DENND5A: variants seen among roughly 807,000 people sequenced by gnomAD.
DENND5A encodes the protein DENN domain-containing protein 5A.
A neutral mutation model predicts 140.3 loss-of-function variants in DENND5A; 64 were observed. The observed-to-expected ratio is 0.46, with a 90% confidence interval of 0.37 to 0.56. The LOEUF is 0.56. DENND5A is among the 20% of genes least tolerant of loss of function. The probability of loss-of-function intolerance (pLI) is 0.00; values close to 1 mark genes in which losing one functional copy is unlikely to be tolerated. For synonymous variants in DENND5A, 605 were observed against 607.7 expected, an observed-to-expected ratio of 1.00 and a Z score of 0.07; for missense variants, 1,292 against 1,593.8, an observed-to-expected ratio of 0.81 and a Z score of 3.22.
At chr11:9,256,735 A>G (rs1851961886) in intron 1 of DENND5A, among the ~76,000 whole-genome samples, 1 of 152,202 alleles carries the variant, frequency 6.6e-6, no homozygotes, top group South Asian at 2.1e-4. Flanking sequence ...GTTCAGGGTT[A>G]GAGGGTTGGG....
intron 12 of DENND5A, among the ~76,000 whole-genome samples, chr11:9,154,832 T>A (rs574111670): frequency 1.1e-4 from 17 of 150,634 alleles, no homozygotes; most frequent in South Asian, 6.3e-4. Flanking sequence ...GAAAAAAAAA[T>A]TTTAATTTAA....
intron 5 of DENND5A, among the ~76,000 whole-genome samples, chr11:9,189,668 T>G (rs1172351165): frequency 2.0e-5 from 3 of 151,864 alleles, no homozygotes; most frequent in Non-Finnish European, 4.4e-5. Context: ...GAGATGGAGT[T>G]TCACTATTGT....
intron 16 of DENND5A, 189 bp downstream of exon 16, chr11:9,146,840 GA>G: frequency 1.6e-6 from 1 of 622,918 alleles, no homozygotes; most frequent in Non-Finnish European, 2.8e-6. Flanking sequence ...TTCAGAACAA[GA>G]ATGAGAAACT....
At chr11:9,168,802 TTC>T (rs1231332116) in intron 10 of DENND5A, among the ~76,000 whole-genome samples, 2 of 152,198 alleles carry the variant, frequency 1.3e-5, no homozygotes, top group African/African-American at 2.4e-5. Flanking sequence ...CCTTCTTGGG[TTC>T]TCTCTGTGCA....
At chr11:9,255,380 GTTGT>G (rs150951044) in intron 1 of DENND5A, among the ~76,000 whole-genome samples, 208 of 151,920 alleles carry the variant, frequency 1.4e-3, no homozygotes, top group Non-Finnish European at 1.9e-3. Flanking sequence ...CATTTTTCAG[GTTGT>G]TTAAGACCTG....
At chr11:9,216,255 G>T (rs1850089916) in intron 1 of DENND5A, among the ~76,000 whole-genome samples, 3 of 152,288 alleles carry the variant, frequency 2.0e-5, no homozygotes, top group Non-Finnish European at 2.9e-5. Context: ...TTTCCAGCTT[G>T]GTCATTCCAT....
intron 5 of DENND5A, among the ~76,000 whole-genome samples, chr11:9,192,625 C>T (rs554638740): frequency 7.2e-6 from 1 of 138,016 alleles, no homozygotes; most frequent in Non-Finnish European, 1.6e-5. Flanking sequence ...GAGACTTCGT[C>T]TCAAAAAAAA....
intron 1 of DENND5A, among the ~76,000 whole-genome samples, chr11:9,255,793 A>G (rs1851919078): frequency 6.6e-6 from 1 of 151,596 alleles, no homozygotes; most frequent in East Asian, 1.9e-4. Flanking sequence ...TGAACCCGGG[A>G]GGCAGAGGTT....
intron 11 of DENND5A, among the ~76,000 whole-genome samples, chr11:9,164,748 T>C (rs1180921128): frequency 6.6e-6 from 1 of 152,084 alleles, no homozygotes; most frequent in Non-Finnish European, 1.5e-5. Context: ...TGCTATCAGA[T>C]AAAAATAAAG....
At chr11:9,243,115 A>AAAC (rs1564936263) in intron 1 of DENND5A, among the ~76,000 whole-genome samples, 2 of 149,852 alleles carry the variant, frequency 1.3e-5, no homozygotes, top group East Asian at 1.9e-4. Context: ...CAAAAAAAAA[A>AAAC]ACTGAGGCGA....
intron 12 of DENND5A, among the ~76,000 whole-genome samples, chr11:9,159,700 A>G (rs1847918179): frequency 6.6e-6 from 1 of 152,202 alleles, no homozygotes; most frequent in Non-Finnish European, 1.5e-5. Flanking sequence ...TGGGCTTGCT[A>G]GGTCATATAA....
intron 8 of DENND5A, among the ~76,000 whole-genome samples, chr11:9,173,018 G>A (rs1848425244): frequency 6.6e-6 from 1 of 151,096 alleles, no homozygotes; most frequent in South Asian, 2.1e-4. Flanking sequence ...TAGCAACGGG[G>A]TTTCACCATG....
chr11:9,175,633 G>C (rs2136167570), intron 8 of DENND5A: 1 of 152,266 alleles, frequency 6.6e-6, no homozygotes, highest in East Asian at 1.9e-4. Flanking sequence ...TGGTATAAAT[G>C]TAGACCAACA....
At chr11:9,227,063 G>A (rs1298625152) in intron 1 of DENND5A, among the ~76,000 whole-genome samples, 2 of 152,044 alleles carry the variant, frequency 1.3e-5, no homozygotes, top group Non-Finnish European at 2.9e-5. Flanking sequence ...AGATACTCCA[G>A]AGGCTGAAGC....
intron 1 of DENND5A, among the ~76,000 whole-genome samples, chr11:9,258,422 C>T (rs1852045927): frequency 6.6e-6 from 1 of 152,096 alleles, no homozygotes; most frequent in Non-Finnish European, 1.5e-5. Context: ...TGACGGTTTC[C>T]AGCTTCATCC....
At chr11:9,197,964 C>T (rs1232624386) in intron 4 of DENND5A, among the ~76,000 whole-genome samples, 1 of 152,184 alleles carries the variant, frequency 6.6e-6, no homozygotes, top group Non-Finnish European at 1.5e-5. Flanking sequence ...ACTTAGCCAA[C>T]TCACTTTACC....
intron 11 of DENND5A, among the ~76,000 whole-genome samples, chr11:9,165,039 G>A (rs1381596059): frequency 3.3e-5 from 5 of 151,998 alleles, no homozygotes; most frequent in South Asian, 2.1e-4. Flanking sequence ...TTGCCCTGTC[G>A]CCCAGGCTGG....
chr11:9,261,856 A>G (rs1852216365), intron 1 of DENND5A, among the ~76,000 whole-genome samples: 1 of 151,586 alleles, frequency 6.6e-6, no homozygotes, highest in Admixed American at 6.6e-5. Context: ...ATGAAGAGGG[A>G]AAAAAAATCC....
In DENND5A at chr11:9,139,088, C is replaced by G; in HGVS notation, c.*583G>C. The G allele has an allele frequency of 6.6e-6, 1 of 152,626 alleles. No homozygotes were observed. Among genetic ancestry groups the G allele is most frequent in the East Asian group, 1.9e-4 (1 of 5,204 alleles). The allele number at this position is 152,626 out of a possible 1,614,324, so 9.5% of individuals were successfully genotyped here. A position where few individuals can be genotyped will look rare whatever the true frequency, so the allele number is the denominator to read the frequency against. ...CCAACAGGAAATGTGGTATTTGGCA[C>G]GATGACACATCCCGGCATGTCTCCT... On this transcript the variant is annotated 3_prime_UTR_variant, in exon 23 of 23. Coordinates refer to ENST00000328194, the MANE Select transcript of DENND5A (RefSeq NM_015213.4).
Sources: gnomAD v4.1 joint callset for allele counts (sites outside exome capture counted in the v4.1 genomes callset) on GRCh38, gnomAD v4.1.1 for gene constraint, MANE v1.5 for transcripts, NCBI Gene and HGNC (gene_info 2026-07-23, HGNC 2026-07-21) for gene names.